The following GPHN variants were observed in gnomAD, a reference collection of about 807,000 sequenced individuals.
The protein encoded by GPHN is gephyrin.
GPHN carries 17 observed loss-of-function variants against 95.5 expected under a neutral mutation model. The observed-to-expected ratio is 0.18, with a 90% CI of 0.12 to 0.27. The LOEUF (loss-of-function observed/expected upper bound fraction) is 0.27, where lower values mean the gene tolerates loss of function less well. Ranked by LOEUF, GPHN falls within the 10% of genes least tolerant of loss-of-function variation. The pLI, the probability that GPHN is intolerant of heterozygous loss-of-function variation, is 1.00. For synonymous variants in GPHN, 320 were observed against 322.5 expected (o/e 0.99, Z 0.08); for missense variants, 660 against 978.1 (o/e 0.67, Z 4.34).
chr14:67,022,568 G>GGGGT (rs1555466199), intron 9 of GPHN, among the ~76,000 whole-genome samples: 15 of 20,880 alleles, frequency 7.2e-4, no homozygotes, highest in South Asian at 2.3e-3. Flanking sequence ...TTTTTTTTTT[G>GGGGT]GTGTGTGTGT....
chr14:67,537,902 G>A, the GPHN span, among the ~76,000 whole-genome samples: 1 of 152,110 alleles, frequency 6.6e-6, no homozygotes, highest in African/African-American at 2.4e-5. Flanking sequence ...GAGGATTCAG[G>A]GGATGCCAAA....
At chr14:66,862,461 G>A (rs1389950865) in intron 4 of GPHN, among the ~76,000 whole-genome samples, 3 of 152,002 alleles carry the variant, frequency 2.0e-5, no homozygotes, top group African/African-American at 7.2e-5. Context: ...CAAGGAGGAG[G>A]GAATACTTCC....
intron 1 of GPHN, among the ~76,000 whole-genome samples, chr14:66,602,040 T>C (rs768471811): frequency 6.6e-6 from 1 of 151,982 alleles, no homozygotes; most frequent in Non-Finnish European, 1.5e-5. Context: ...TGTATGATCT[T>C]GTTGAGGGCA....
chr14:67,409,582 C>T, the GPHN span, among the ~76,000 whole-genome samples: 1 of 152,106 alleles, frequency 6.6e-6, no homozygotes. Context: ...CACGGCTCAT[C>T]CCCCACTTCC....
At chr14:66,518,738 G>A (rs2058357764) in intron 1 of GPHN, among the ~76,000 whole-genome samples, 1 of 152,134 alleles carries the variant, frequency 6.6e-6, no homozygotes, top group Non-Finnish European at 1.5e-5. Flanking sequence ...GGAATGGAAA[G>A]TTAAACACTG....
At chr14:66,679,954 A>G (rs551978610) in intron 1 of GPHN, among the ~76,000 whole-genome samples, 71 of 151,940 alleles carry the variant, frequency 4.7e-4, no homozygotes, top group African/African-American at 1.6e-3. Context: ...ATACCTTGTA[A>G]TTTTCATCAT....
At chr14:67,246,686 C>G in the GPHN span, among the ~76,000 whole-genome samples, 274 of 125,382 alleles carry the variant, frequency 2.2e-3, 1 homozygote, top group African/African-American at 7.7e-3. Context: ...GAGTCTTGCT[C>G]TCTCGCCAGG....
chr14:67,221,925 C>A, the GPHN span: 2 of 1,287,462 alleles, frequency 1.6e-6, no homozygotes, highest in South Asian at 1.4e-5. Context: ...CTTTTTGATG[C>A]ATTTCCTTTC....
chr14:66,665,828 A>G (rs763566049), intron 1 of GPHN, among the ~76,000 whole-genome samples: 4 of 152,210 alleles, frequency 2.6e-5, no homozygotes, highest in African/African-American at 9.7e-5. Context: ...ACTATTCACA[A>G]TAGTAAAGAC....
chr14:66,567,312 G>T (rs907517508), intron 1 of GPHN, among the ~76,000 whole-genome samples: 11 of 152,152 alleles, frequency 7.2e-5, no homozygotes, highest in African/African-American at 2.7e-4. Context: ...AGTTTTGGCA[G>T]CAGTGGCTCT....
At chr14:66,545,478 C>T (rs565970804) in intron 1 of GPHN, among the ~76,000 whole-genome samples, 1 of 129,498 alleles carries the variant, frequency 7.7e-6, no homozygotes, top group Admixed American at 7.6e-5. Flanking sequence ...GCGCCCCTCA[C>T]CTCCCGGACG....
At chr14:67,057,653 T>A (rs1301248134) in intron 10 of GPHN, among the ~76,000 whole-genome samples, 1 of 152,172 alleles carries the variant, frequency 6.6e-6, no homozygotes, top group African/African-American at 2.4e-5. Context: ...CTACCCTCTT[T>A]TTCTTTCTCC....
chr14:67,181,284 C>G lies in GPHN; in HGVS notation c.*347C>G. 4.5e-6 allele frequency: 2 copies of G among 441,640 alleles called. No homozygotes were observed. The highest frequency in any genetic ancestry group is 8.4e-6 in the Non-Finnish European group (2 of 236,814). The allele number at this position is 441,640 out of a possible 1,614,324, so 27.4% of individuals were successfully genotyped here. On this transcript the variant is annotated 3_prime_UTR_variant, in exon 23 of 23. Coordinates refer to ENST00000478722, the MANE Select transcript of GPHN (RefSeq NM_020806.5). ...CATCTTTAAAATACAACTACTTATG[C>G]TCTTAAATCAAGGCTGTCTGCTTAT...
the GPHN span, chr14:67,503,575 C>G: frequency 6.6e-6 from 1 of 152,232 alleles, no homozygotes; most frequent in Non-Finnish European, 1.5e-5. Context: ...CAGAGGGTAG[C>G]AGTTTAAAAG....
At chr14:66,934,832 C>T (rs910306314) in intron 8 of GPHN, among the ~76,000 whole-genome samples, 1 of 152,050 alleles carries the variant, frequency 6.6e-6, no homozygotes, top group Non-Finnish European at 1.5e-5. Context: ...TTACATGAGC[C>T]AATAAGCTAA....
chr14:67,577,871 G>C, the GPHN span, among the ~76,000 whole-genome samples: 1 of 152,118 alleles, frequency 6.6e-6, no homozygotes, highest in Non-Finnish European at 1.5e-5. Flanking sequence ...TTAGTAAGCA[G>C]AGATGCCCTC....
At chr14:67,368,629 G>T in the GPHN span, among the ~76,000 whole-genome samples, 4 of 152,232 alleles carry the variant, frequency 2.6e-5, no homozygotes, top group South Asian at 2.1e-4. Context: ...AGGCCAGGAG[G>T]TGTGGGGTAA....
the GPHN span, among the ~76,000 whole-genome samples, chr14:67,357,547 TG>T: frequency 2.0e-5 from 3 of 152,214 alleles, no homozygotes; most frequent in East Asian, 5.8e-4. Context: ...TGTCTATTTT[TG>T]CCTCTTAGTC....
chr14:67,400,383 T>C, the GPHN span, among the ~76,000 whole-genome samples: 10 of 152,312 alleles, frequency 6.6e-5, no homozygotes, highest in South Asian at 2.1e-3. Context: ...GTATGGGCAT[T>C]GAGAGTTTTA....
Sources: allele counts gnomAD v4.1 joint callset (sites outside exome capture counted in the v4.1 genomes callset), GRCh38; gene constraint gnomAD v4.1.1; transcripts MANE v1.5; gene names NCBI Gene and HGNC (gene_info 2026-07-23, HGNC 2026-07-21).